Variants in ASCL5 observed in about 807,000 individuals in gnomAD.
ASCL5 encodes the protein achaete-scute family bHLH transcription factor 5, also known as achaete-scute homolog 5.
For missense variants in ASCL5, 262 were observed against 268.9 expected (o/e 0.97, Z 0.18); for synonymous variants, 124 against 131.5 (o/e 0.94, Z 0.39).
chr1:201,116,488 A>G (rs1233807039), intron 1 of ASCL5, among the ~76,000 whole-genome samples: 5 of 151,966 alleles, frequency 3.3e-5, no homozygotes, highest in African/African-American at 1.2e-4. Flanking sequence ...ATGGCACCTA[A>G]TGGAGCTGTC....
At chr1:201,122,128 C>T (rs538971441) in intron 1 of ASCL5, among the ~76,000 whole-genome samples, 9 of 152,284 alleles carry the variant, frequency 5.9e-5, no homozygotes, top group South Asian at 2.1e-4. Context: ...GTTGTGCAGG[C>T]GGGATTCCAG....
At position 201,115,465 on chromosome 1, in the gene ASCL5, C is replaced by A. The variant is rs534014106; in HGVS notation, c.-93G>T. 14 of 1,080,818 alleles carry A rather than the reference C, an allele frequency of 1.3e-5. No homozygotes were observed. The highest frequency in any genetic ancestry group is 1.6e-5 in the Non-Finnish European group (14 of 851,382). 67.0% of individuals were successfully genotyped at this position (1,080,818 alleles called of 1,614,324 possible). The stretch of plus-strand genomic sequence containing the variant: ...TCTCCACCAGTGGGGCAAGTCACAT[C>A]GCTAGCAGCAGCTCTTGGGTACCAG... On this transcript the variant is annotated 5_prime_UTR_variant, in exon 2 of 2. Transcript: ENST00000449188.
At chr1:201,122,721 C>A (rs1028682284) in intron 1 of ASCL5, among the ~76,000 whole-genome samples, 15 of 152,098 alleles carry the variant, frequency 9.9e-5, no homozygotes, top group Admixed American at 9.8e-4. Flanking sequence ...TGAATATAAC[C>A]AGGCATTTGC....
In ASCL5 at chr1:201,115,476, G is replaced by C. The variant is rs1231968842; in HGVS notation, c.-104C>G. On this transcript the variant is annotated 5_prime_UTR_variant, in exon 2 of 2. Transcript: ENST00000449188. ...GGGGCAAGTCACATCGCTAGCAGCA[G>C]CTCTTGGGTACCAGGACTTGCTAGG... 5.0e-6 allele frequency: 5 copies of C among 999,800 alleles called. No homozygotes were observed. Among genetic ancestry groups the C allele is most frequent in the Non-Finnish European group, 6.4e-6 (5 of 777,170 alleles). The allele number at this position is 999,800 out of a possible 1,614,324, so 61.9% of individuals were successfully genotyped here.
chr1:201,119,939 C>T (rs1663415884), intron 1 of ASCL5, among the ~76,000 whole-genome samples: 1 of 152,084 alleles, frequency 6.6e-6, no homozygotes, highest in Non-Finnish European at 1.5e-5. Flanking sequence ...CACTCCTTGC[C>T]CTCAGCAACC....
Position 201,114,456 on chromosome 1 carries a change from G to C in ASCL5, c.*296C>G, listed in dbSNP as rs1663286105. 1 of 271,204 alleles carries C rather than the reference G, an allele frequency of 3.7e-6. No individual in the cohort carries two copies. The highest frequency in any genetic ancestry group is 6.9e-6 in the Non-Finnish European group (1 of 145,210). 16.8% of individuals were successfully genotyped at this position (271,204 alleles called of 1,614,324 possible). ...GCCAGACCCAGGGATGACCGTCCTGGGGAGCCCCTCTGCACCCCGGAGGGG... is the reference window on the plus strand; with the variant it reads ...GCCAGACCCAGGGATGACCGTCCTGCGGAGCCCCTCTGCACCCCGGAGGGG... On this transcript the variant is annotated 3_prime_UTR_variant, in exon 2 of 2. Transcript: ENST00000449188.
chr1:201,124,076 A>G (rs2102202499), intron 1 of ASCL5, among the ~76,000 whole-genome samples: 1 of 152,352 alleles, frequency 6.6e-6, no homozygotes, highest in East Asian at 1.9e-4. Flanking sequence ...TAGGTGCTCA[A>G]GAGTGTTTCT....
chr1:201,115,585 G>T lies in ASCL5; in HGVS notation c.-213C>A. 1 of 379,416 alleles carries T rather than the reference G, an allele frequency of 2.6e-6. No homozygotes were observed. The highest frequency in any genetic ancestry group is 6.6e-4 in the Middle Eastern group (1 of 1,518). 23.5% of individuals were successfully genotyped at this position (379,416 alleles called of 1,614,324 possible). The stretch of plus-strand genomic sequence containing the variant: ...AGACAAGTGTGGCCCCTCTCAGGAG[G>T]TCGGTGCACGCCTTCTCAGAGCCAG... On this transcript the variant is annotated 5_prime_UTR_variant, in exon 2 of 2. Coordinates refer to ENST00000449188, the MANE Select transcript of ASCL5 (RefSeq NM_001270601.2).
intron 1 of ASCL5, among the ~76,000 whole-genome samples, chr1:201,120,104 C>G (rs1479921992): frequency 6.6e-6 from 1 of 152,144 alleles, no homozygotes; most frequent in Non-Finnish European, 1.5e-5. Flanking sequence ...TCAGTTGTAC[C>G]ATGTACAGTT....
At chr1:201,119,432 C>T (rs1663407633) in intron 1 of ASCL5, among the ~76,000 whole-genome samples, 1 of 152,198 alleles carries the variant, frequency 6.6e-6, no homozygotes, top group African/African-American at 2.4e-5. Flanking sequence ...TGGTGAGACG[C>T]AGTGGCGGCA....
intron 1 of ASCL5, among the ~76,000 whole-genome samples, chr1:201,120,549 A>G (rs59278632): frequency 0.035 from 5,290 of 152,180 alleles, 295 homozygotes; most frequent in African/African-American, 0.12. Flanking sequence ...TGAGCCCAAG[A>G]ACTCTGGTCT....
chr1:201,125,782 TG>T (rs1301716963), intron 1 of ASCL5, among the ~76,000 whole-genome samples: 1 of 152,136 alleles, frequency 6.6e-6, no homozygotes, highest in African/African-American at 2.4e-5. Context: ...GAGGGGTAAT[TG>T]AATTGCTGCT....
At position 201,114,656 on chromosome 1, in the gene ASCL5, G is replaced by A; in HGVS notation, c.*96C>T. Reference sequence around the variant, plus strand: ...GGACCTCCTACAGTCACCGTCCTGCGGCGCATCGCGGGTGACCCAACAGCC... The same window carrying A: ...GGACCTCCTACAGTCACCGTCCTGCAGCGCATCGCGGGTGACCCAACAGCC... On this transcript the variant is annotated 3_prime_UTR_variant, in exon 2 of 2. Transcript: ENST00000449188. The A allele has an allele frequency of 6.5e-6, 7 of 1,079,552 alleles. No individual in the cohort carries two copies. The highest frequency in any genetic ancestry group is 8.2e-6 in the Non-Finnish European group (7 of 851,924). The allele number at this position is 1,079,552 out of a possible 1,614,324, so 66.9% of individuals were successfully genotyped here. A position where few individuals can be genotyped will look rare whatever the true frequency, so the allele number is the denominator to read the frequency against.
At position 201,114,887 on chromosome 1, in the gene ASCL5, C is replaced by A; in HGVS notation, c.486G>T (p.Ala162=). The A allele has an allele frequency of 8.1e-7, 1 of 1,228,506 alleles. No homozygotes were observed. The highest frequency in any genetic ancestry group is 4.1e-5 in the South Asian group (1 of 24,288). 76.1% of individuals were successfully genotyped at this position (1,228,506 alleles called of 1,614,324 possible). A position where few individuals can be genotyped will look rare whatever the true frequency, so the allele number is the denominator to read the frequency against. ...GGTCGGGACGGGGGGTGGCGGGCGG[C>A]GCGGGGCAGGGCCCGGTGCCCGGGA... ...RGLPGTGPCP[A]PPATPRPDRP... The change falls in exon 2 of 2, where the codon GCG becomes GCT. Residue 162 remains alanine (A), a synonymous_variant. Coordinates refer to ENST00000449188, the MANE Select transcript of ASCL5 (RefSeq NM_001270601.2).
chr1:201,121,387 G>A (rs112142342), intron 1 of ASCL5, among the ~76,000 whole-genome samples: 2 of 152,080 alleles, frequency 1.3e-5, no homozygotes, highest in East Asian at 1.9e-4. Flanking sequence ...TGGGGGGATC[G>A]CTTGAGCCCA....
chr1:201,115,297 T>G lies in ASCL5; in HGVS notation c.76A>C (p.Met26Leu). ...AGGGGCGCCTGCCGGGGAGGGGGCATGACGCCCAGCTGCATGCAGCTGGGG... is the reference window on the plus strand; with the variant it reads ...AGGGGCGCCTGCCGGGGAGGGGGCAGGACGCCCAGCTGCATGCAGCTGGGG... ...GPPSCMQLGV[M>L]PPPRQAPLPP... The change falls in exon 2 of 2, where the codon ATG becomes CTG. Residue 26 changes from methionine (M) to leucine (L), a missense_variant. Met to Leu is a conservative substitution (Grantham distance 15). Coordinates refer to ENST00000449188, the MANE Select transcript of ASCL5 (RefSeq NM_001270601.2). The G allele has an allele frequency of 8.1e-7, 1 of 1,230,598 alleles. No homozygotes were observed. Among genetic ancestry groups the G allele is most frequent in the Non-Finnish European group, 1.0e-6 (1 of 987,160 alleles). The allele number at this position is 1,230,598 out of a possible 1,614,324, so 76.2% of individuals were successfully genotyped here.
intron 1 of ASCL5, among the ~76,000 whole-genome samples, chr1:201,118,611 A>G (rs1663393970): frequency 6.6e-6 from 1 of 152,212 alleles, no homozygotes; most frequent in Non-Finnish European, 1.5e-5. Context: ...ACAGTGTAGC[A>G]TATGACCATT....
intron 1 of ASCL5, among the ~76,000 whole-genome samples, chr1:201,120,229 C>T (rs566742615): frequency 1.3e-5 from 2 of 152,330 alleles, no homozygotes; most frequent in African/African-American, 4.8e-5. Context: ...GCCTCCTTTG[C>T]AATACCTTGC....
chr1:201,117,486 T>A (rs1663370803), intron 1 of ASCL5, among the ~76,000 whole-genome samples: 1 of 151,772 alleles, frequency 6.6e-6, no homozygotes, highest in Non-Finnish European at 1.5e-5. Context: ...AATTCACATA[T>A]CCCTCCCCTT....
Sources: allele counts gnomAD v4.1 joint callset (sites outside exome capture counted in the v4.1 genomes callset), GRCh38; gene constraint gnomAD v4.1.1; transcripts MANE v1.5; gene names NCBI Gene and HGNC (gene_info 2026-07-23, HGNC 2026-07-21).